NBPF8: variants seen among roughly 807,000 people sequenced by gnomAD.
NBPF8 encodes the protein NBPF family member NBPF8.
At chr1:120,417,837 G>T (rs1476705920), upstream of NBPF8, among the ~76,000 whole-genome samples, 1 of 146,038 alleles carries the variant, frequency 6.8e-6, no homozygotes, top group Non-Finnish European at 1.5e-5. Context: ...TTGGGCTCAA[G>T]TAATCTTCCC....
intron 1 of NBPF8, among the ~76,000 whole-genome samples, chr1:120,423,779 G>GTTTCTCA (rs1660633799): frequency 6.9e-6 from 1 of 145,960 alleles, no homozygotes; most frequent in Non-Finnish European, 1.5e-5. Context: ...GACTCCTTGT[G>GTTTCTCA]TGTTAGCCTG....
upstream of NBPF8, among the ~76,000 whole-genome samples, chr1:120,415,106 G>A (rs1225477639): frequency 6.6e-6 from 1 of 152,138 alleles, no homozygotes; most frequent in East Asian, 1.9e-4. Flanking sequence ...GCGGTATTGG[G>A]AGGGGTAGGT....
chr1:120,421,518 TCCTTCCTC>T (rs1183348577), intron 1 of NBPF8, among the ~76,000 whole-genome samples: 2 of 148,682 alleles, frequency 1.3e-5, no homozygotes, highest in Admixed American at 6.7e-5. Flanking sequence ...CTTCCTTCCT[TCCTTCCTC>T]CCTTCCTCCT....
At chr1:120,450,578 T>C (rs1271167185) in intron 11 of NBPF8, among the ~76,000 whole-genome samples, 2 of 151,236 alleles carry the variant, frequency 1.3e-5, no homozygotes, top group African/African-American at 4.8e-5. Flanking sequence ...TATTAGTTCT[T>C]CATTCTGCTG....
Position 120,428,402 on chromosome 1 carries a change from A to T in NBPF8, n.510+555A>T, listed in dbSNP as rs1282496386. 2.0e-4 allele frequency among the ~76,000 whole-genome samples: 31 copies of T among 152,264 alleles called. No homozygotes were observed. The East Asian group carries it at 5.8e-3, about 28-fold the overall frequency. On this transcript the variant is annotated intron_variant and non_coding_transcript_variant, in intron 3 of 28. Transcript: ENST00000652355. Reference sequence around the variant, plus strand: ...AGAGCCAGAGGAACATTTGGAGGTAATTCAGTACCTCCTCCTTTTCAACCT... The same window carrying T: ...AGAGCCAGAGGAACATTTGGAGGTATTTCAGTACCTCCTCCTTTTCAACCT...
chr1:120,454,023 C>A (rs1553249357), exon 15 of NBPF8: 5 of 1,612,684 alleles, frequency 3.1e-6, no homozygotes, highest in South Asian at 2.2e-5. Context: ...ATAGGAAAAC[C>A]AAAATCACAT....
Position 120,460,756 on chromosome 1 carries a change from C to G in NBPF8, n.2836+132C>G. ...AGTCTGAATTACGCCTACTACATTG[C>G]TTTTTGGTTCTCATTAGAGTAAATG... On this transcript the variant is annotated intron_variant and non_coding_transcript_variant, in intron 18 of 24. Coordinates refer to ENST00000583271, the Ensembl canonical transcript of NBPF8. The G allele has an allele frequency of 4.2e-6, 4 of 952,530 alleles. No homozygotes were observed. In the East Asian group the frequency reaches 7.7e-5, roughly 18 times the overall value. The allele number at this position is 952,530 out of a possible 1,614,324, so 59.0% of individuals were successfully genotyped here. A position where few individuals can be genotyped will look rare whatever the true frequency, so the allele number is the denominator to read the frequency against.
At chr1:120,416,880 T>C (rs1309110578), upstream of NBPF8, among the ~76,000 whole-genome samples, 1 of 147,932 alleles carries the variant, frequency 6.8e-6, no homozygotes, top group African/African-American at 2.5e-5. Context: ...AGGGGTGCAG[T>C]AATGTATCAG....
At chr1:120,460,506 G>C in intron 17 of NBPF8, 67 bp from the exon 16 acceptor site, 3 of 904,660 alleles carry the variant, frequency 3.3e-6, no homozygotes, top group Non-Finnish European at 3.7e-6. Context: ...GGATTGGACA[G>C]AGGAATGTTT....
intron 20 of NBPF8, 98 bp downstream of exon 18, chr1:120,462,295 G>A (rs1241247045): frequency 6.0e-6 from 4 of 669,692 alleles, no homozygotes; most frequent in Non-Finnish European, 1.1e-5. Flanking sequence ...TGTTTTCAAC[G>A]AAGGTTGAAA....
upstream of NBPF8, among the ~76,000 whole-genome samples, chr1:120,418,647 C>A (rs1450754541): frequency 8.2e-6 from 1 of 121,854 alleles, no homozygotes; most frequent in African/African-American, 3.6e-5. Flanking sequence ...ACCTCTCAGG[C>A]TCAAGCAGTC....
chr1:120,462,425 A>C (rs1476855166), intron 20 of NBPF8, among the ~76,000 whole-genome samples: 6 of 147,404 alleles, frequency 4.1e-5, no homozygotes, highest in Admixed American at 3.4e-4. Context: ...GCTGTATGGC[A>C]ACTGCATGGA....
At chr1:120,450,560 A>G (rs1661238939) in intron 11 of NBPF8, among the ~76,000 whole-genome samples, 1 of 152,178 alleles carries the variant, frequency 6.6e-6, no homozygotes, top group Non-Finnish European at 1.5e-5. Flanking sequence ...CACACAGTAA[A>G]CACTATCTAT....
upstream of NBPF8, among the ~76,000 whole-genome samples, chr1:120,417,932 G>T (rs1206274201): frequency 7.6e-5 from 5 of 65,814 alleles, no homozygotes; most frequent in East Asian, 1.5e-3. Context: ...GGATGTGTCT[G>T]CTTGATCCAG....
At chr1:120,425,143 C>A (rs1660681600) in intron 1 of NBPF8, among the ~76,000 whole-genome samples, 1 of 151,950 alleles carries the variant, frequency 6.6e-6, no homozygotes, top group African/African-American at 2.4e-5. Context: ...AAGGGAAAGA[C>A]CTGACTGTCC....
exon 25 of NBPF8, chr1:120,466,256 C>A: frequency 6.2e-7 from 1 of 1,604,736 alleles, no homozygotes; most frequent in South Asian, 1.1e-5. Flanking sequence ...GTCATTCCTG[C>A]AGGCAGGACC....
At chr1:120,428,883 T>C (rs1190636359) in intron 3 of NBPF8, among the ~76,000 whole-genome samples, 1 of 151,656 alleles carries the variant, frequency 6.6e-6, no homozygotes, top group Non-Finnish European at 1.5e-5. Flanking sequence ...AAAATAACAA[T>C]ATCTTGACTC....
downstream of NBPF8, among the ~76,000 whole-genome samples, chr1:120,468,914 G>A (rs1350307622): frequency 6.6e-6 from 1 of 151,886 alleles, no homozygotes; most frequent in Non-Finnish European, 1.5e-5. Context: ...TCACCTGAGG[G>A]CCACAGTGTT....
At chr1:120,464,237 G>A in intron 22 of NBPF8, 139 bp from the exon 21 acceptor site, 1 of 595,506 alleles carries the variant, frequency 1.7e-6, no homozygotes, top group Non-Finnish European at 3.0e-6. Context: ...CAACATGAAG[G>A]CAATAATTTG....
Sources: gnomAD v4.1 joint callset for allele counts (sites outside exome capture counted in the v4.1 genomes callset) on GRCh38, gnomAD v4.1.1 for gene constraint, MANE v1.5 for transcripts, NCBI Gene and HGNC (gene_info 2026-07-23, HGNC 2026-07-21) for gene names.